Variants in ANKRD30A observed in about 807,000 individuals in gnomAD.
ANKRD30A encodes ankyrin repeat domain-containing protein 30A.
A neutral mutation model predicts 166.3 loss-of-function variants in ANKRD30A; 170 were observed. The observed-to-expected ratio is 1.02, with a 90% confidence interval of 0.90 to 1.16. The LOEUF is 1.16. Ranked by LOEUF, ANKRD30A falls within the 50% of genes most tolerant of loss-of-function variation. The pLI is 0.00. For synonymous variants in ANKRD30A, 564 were observed against 508.9 expected (o/e 1.11, Z -1.46); for missense variants, 1,630 against 1,518.0 (o/e 1.07, Z -1.23).
chr10:37,154,983 A>G (rs1838252257), intron 13 of ANKRD30A, among the ~76,000 whole-genome samples: 1 of 152,182 alleles, frequency 6.6e-6, no homozygotes, highest in Admixed American at 6.5e-5. Flanking sequence ...CTTGAATGTA[A>G]GAACCTTGGC....
intron 27 of ANKRD30A, among the ~76,000 whole-genome samples, chr10:37,196,914 G>C (rs1011513489): frequency 6.6e-6 from 1 of 152,144 alleles, no homozygotes; most frequent in Non-Finnish European, 1.5e-5. Context: ...CCGAAGATAG[G>C]CTATGTTAAA....
intron 34 of ANKRD30A, among the ~76,000 whole-genome samples, chr10:37,224,427 T>C (rs947377126): frequency 2.0e-5 from 3 of 150,806 alleles, no homozygotes; most frequent in Admixed American, 6.7e-5. Context: ...GTGAGCTACA[T>C]ATATATATCA....
the ANKRD30A span, among the ~76,000 whole-genome samples, chr10:37,247,232 T>C: frequency 6.6e-6 from 1 of 152,234 alleles, no homozygotes; most frequent in Admixed American, 6.5e-5. Flanking sequence ...AGAGTTACTT[T>C]CCTTAAAGAG....
intron 11 of ANKRD30A, 48 bp from the exon 12 acceptor site, chr10:37,152,012 T>TA (rs1204358969): frequency 6.7e-7 from 1 of 1,489,516 alleles, no homozygotes; most frequent in Non-Finnish European, 9.2e-7. Flanking sequence ...TTAAAATTTA[T>TA]AGTAGAGAAA....
At chr10:37,199,639 T>G in intron 29 of ANKRD30A, 88 bp from the exon 30 acceptor site, 1 of 811,902 alleles carries the variant, frequency 1.2e-6, no homozygotes, top group South Asian at 1.6e-5. Context: ...AACCACAGAT[T>G]CGTGAATGAA....
chr10:37,151,644 A>G (rs1837946122), intron 11 of ANKRD30A, among the ~76,000 whole-genome samples: 1 of 152,142 alleles, frequency 6.6e-6, no homozygotes, highest in South Asian at 2.1e-4. Flanking sequence ...TCTTTGTGGA[A>G]GAACTGTGTA....
intron 13 of ANKRD30A, among the ~76,000 whole-genome samples, chr10:37,154,031 T>A (rs17590413): frequency 6.6e-6 from 1 of 152,160 alleles, no homozygotes; most frequent in Non-Finnish European, 1.5e-5. Flanking sequence ...GAAATGATTC[T>A]TTAGGAAAAG....
At chr10:37,154,941 G>A (rs949456290) in intron 13 of ANKRD30A, among the ~76,000 whole-genome samples, 2 of 152,096 alleles carry the variant, frequency 1.3e-5, no homozygotes, top group Non-Finnish European at 2.9e-5. Flanking sequence ...ATGTATGTAT[G>A]TTGTTGATAT....
intron 31 of ANKRD30A, among the ~76,000 whole-genome samples, chr10:37,203,876 C>T (rs1478960172): frequency 6.6e-6 from 1 of 152,138 alleles, no homozygotes; most frequent in East Asian, 1.9e-4. Context: ...CATGAGTGAA[C>T]TCCCATTCAC....
At chr10:37,243,100 C>G in the ANKRD30A span, among the ~76,000 whole-genome samples, 208 of 147,720 alleles carry the variant, frequency 1.4e-3, 1 homozygote, top group African/African-American at 5.0e-3. Flanking sequence ...TTTGGTTCAT[C>G]TACAGTTTTT....
intron 34 of ANKRD30A, among the ~76,000 whole-genome samples, chr10:37,223,686 T>A (rs1333383542): frequency 6.6e-6 from 1 of 151,474 alleles, no homozygotes; most frequent in East Asian, 1.9e-4. Flanking sequence ...AATCTGTCAT[T>A]ATTGGAATAA....
At chr10:37,197,354 T>A (rs778077242) in intron 28 of ANKRD30A, 45 bp downstream of exon 28, 5 of 1,612,998 alleles carry the variant, frequency 3.1e-6, no homozygotes, top group Non-Finnish European at 4.2e-6. Context: ...ATTAACTATG[T>A]ATTTTGTGAA....
At chr10:37,154,921 G>A (rs1237876311) in intron 13 of ANKRD30A, among the ~76,000 whole-genome samples, 3 of 152,086 alleles carry the variant, frequency 2.0e-5, no homozygotes, top group East Asian at 1.9e-4. Context: ...ATATATTTAT[G>A]TATATATGTA....
At chr10:37,130,158 A>T in intron 2 of ANKRD30A, 47 bp from the exon 3 acceptor site, 1 of 1,225,006 alleles carries the variant, frequency 8.2e-7, no homozygotes, top group Non-Finnish European at 1.1e-6. Flanking sequence ...AATAATTTAT[A>T]TTATAAATTA....
chr10:37,217,311 T>G (rs1043514910), intron 32 of ANKRD30A, among the ~76,000 whole-genome samples: 8 of 151,008 alleles, frequency 5.3e-5, no homozygotes, highest in African/African-American at 1.7e-4. Flanking sequence ...AGTAATCAGT[T>G]AACTTTAATC....
intron 6 of ANKRD30A, among the ~76,000 whole-genome samples, chr10:37,141,323 G>A (rs921166565): frequency 2.0e-5 from 3 of 152,084 alleles, no homozygotes; most frequent in African/African-American, 7.2e-5. Context: ...TGTAGTCCTA[G>A]CACTCTGGGA....
intron 31 of ANKRD30A, among the ~76,000 whole-genome samples, chr10:37,215,726 A>G (rs1842568491): frequency 6.6e-6 from 1 of 151,562 alleles, no homozygotes; most frequent in Non-Finnish European, 1.5e-5. Flanking sequence ...TATTTTAGCT[A>G]AGAAGAAAAA....
At chr10:37,191,977 G>T (rs1259000648) in intron 25 of ANKRD30A, among the ~76,000 whole-genome samples, 2 of 152,006 alleles carry the variant, frequency 1.3e-5, no homozygotes, top group Admixed American at 1.3e-4. Flanking sequence ...AAATATGCAG[G>T]TGAATGATAT....
chr10:37,201,051 G>T (rs538395753), intron 30 of ANKRD30A, among the ~76,000 whole-genome samples, 184 bp from the exon 31 acceptor site: 1 of 151,950 alleles, frequency 6.6e-6, no homozygotes, highest in African/African-American at 2.4e-5. Context: ...AGATCAGCTT[G>T]ATGTAGAGAG....
Sources: gnomAD v4.1 joint callset for allele counts (sites outside exome capture counted in the v4.1 genomes callset) on GRCh38, gnomAD v4.1.1 for gene constraint, MANE v1.5 for transcripts, NCBI Gene and HGNC (gene_info 2026-07-23, HGNC 2026-07-21) for gene names.